The following CACNB4 variants were observed in gnomAD, a reference collection of about 807,000 sequenced individuals.
CACNB4 encodes voltage-dependent L-type calcium channel subunit beta-4.
Under a neutral mutation model 71.2 loss-of-function variants are expected in CACNB4, and 32 were observed. The observed-to-expected ratio is 0.45, with a 90% CI of 0.34 to 0.60. The LOEUF is 0.60. Ranked by LOEUF, CACNB4 falls within the 20% of genes least tolerant of loss-of-function variation. The pLI is 0.01. For synonymous variants in CACNB4, 231 were observed against 236.9 expected, an observed-to-expected ratio of 0.97 and a Z score of 0.23; for missense variants, 464 against 647.9, an observed-to-expected ratio of 0.72 and a Z score of 3.08.
intron 2 of CACNB4, among the ~76,000 whole-genome samples, chr2:151,945,632 CAG>C (rs2099865359): frequency 6.6e-6 from 1 of 152,074 alleles, no homozygotes; most frequent in South Asian, 2.1e-4. Context: ...GCCTAGGTGA[CAG>C]AGTGAAACCC....
chr2:151,874,059 T>C (rs2099845310), intron 5 of CACNB4: 1 of 152,358 alleles, frequency 6.6e-6, no homozygotes, highest in African/African-American at 2.4e-5. Context: ...GGCCTTCTGC[T>C]ACCAGTAAAA....
intron 2 of CACNB4, among the ~76,000 whole-genome samples, chr2:151,912,538 C>T (rs1482550919): frequency 4.6e-5 from 7 of 151,430 alleles, no homozygotes; most frequent in African/African-American, 1.7e-4. Context: ...GAGACTGTTT[C>T]TTATGATTTC....
At chr2:152,028,994 G>C (rs1684118520) in intron 2 of CACNB4, among the ~76,000 whole-genome samples, 1 of 152,198 alleles carries the variant, frequency 6.6e-6, no homozygotes, top group Non-Finnish European at 1.5e-5. Context: ...ATGGATTAAG[G>C]CCAAGAAGAT....
At chr2:151,907,892 A>G (rs571417515) in intron 2 of CACNB4, among the ~76,000 whole-genome samples, 1 of 152,330 alleles carries the variant, frequency 6.6e-6, no homozygotes, top group East Asian at 1.9e-4. Context: ...GTTTCTAAAG[A>G]AAAGAAACTG....
chr2:152,053,304 T>C (rs1292005405), intron 2 of CACNB4, among the ~76,000 whole-genome samples: 2 of 152,098 alleles, frequency 1.3e-5, no homozygotes, highest in South Asian at 2.1e-4. Flanking sequence ...TAGTCAATCA[T>C]ACCTACTTAA....
chr2:152,098,286 G>A lies in CACNB4; in HGVS notation c.147+44C>T, dbSNP rs201679653. The A allele has an allele frequency of 6.6e-7, 1 of 1,508,598 alleles. No individual in the cohort carries two copies. Among genetic ancestry groups the A allele is most frequent in the Non-Finnish European group, 9.2e-7 (1 of 1,085,180 alleles). 93.5% of individuals were successfully genotyped at this position (1,508,598 alleles called of 1,614,324 possible). ...CGGCTCCAGGACCCCCGCGCCGCGC[G>A]CTCGGCCTCCTCCCCATCCTGGTCT... On this transcript the variant is annotated intron_variant, in intron 2 of 13. Transcript: ENST00000539935. The surrounding 1 kb of genome is among the most constrained non-coding windows in gnomAD (Gnocchi z 5.3).
At chr2:152,082,479 C>T (rs143976944) in intron 2 of CACNB4, among the ~76,000 whole-genome samples, 1 of 152,250 alleles carries the variant, frequency 6.6e-6, no homozygotes, top group African/African-American at 2.4e-5. Context: ...GCTTGAGTCC[C>T]GCAGTCAGCC....
At chr2:151,971,927 C>T in intron 2 of CACNB4, 1 of 354,350 alleles carries the variant, frequency 2.8e-6, no homozygotes, top group Admixed American at 4.2e-5. Context: ...AGCCTGCTGG[C>T]CACCACTGAG....
rs1286571733 is a variant in CACNB4, at chr2:151,837,344, G to C, written c.*1775C>G. The C allele has an allele frequency of 6.6e-6, 1 of 151,966 alleles. No individual in the cohort carries two copies. Among genetic ancestry groups the C allele is most frequent in the Non-Finnish European group, 1.5e-5 (1 of 67,906 alleles). The allele number at this position is 151,966 out of a possible 1,614,324, so 9.4% of individuals were successfully genotyped here. On this transcript the variant is annotated 3_prime_UTR_variant, in exon 14 of 14. Coordinates refer to ENST00000539935, the MANE Select transcript of CACNB4 (RefSeq NM_000726.5). ...GGTACAAACACTGAACATAAATGCA[G>C]GGGGATGTGGTGAGGTTGTAATGGG...
intron 2 of CACNB4, among the ~76,000 whole-genome samples, chr2:151,959,289 T>A (rs888583143): frequency 1.3e-5 from 2 of 152,214 alleles, no homozygotes; most frequent in African/African-American, 2.4e-5. Flanking sequence ...GGCTTTGGGT[T>A]CACAGTATCT....
At chr2:151,980,894 T>C (rs2099874609) in intron 2 of CACNB4, among the ~76,000 whole-genome samples, 1 of 152,198 alleles carries the variant, frequency 6.6e-6, no homozygotes, top group East Asian at 1.9e-4. Context: ...GATGGAGTTT[T>C]TGGTTTTGGT....
intron 2 of CACNB4, among the ~76,000 whole-genome samples, chr2:151,899,947 C>A (rs958389217): frequency 6.6e-6 from 1 of 152,040 alleles, no homozygotes; most frequent in African/African-American, 2.4e-5. Context: ...CAAAAAGTAC[C>A]ATAAAAGTAC....
intron 2 of CACNB4, among the ~76,000 whole-genome samples, chr2:151,978,601 A>G (rs2099874192): frequency 6.6e-6 from 1 of 152,206 alleles, no homozygotes; most frequent in Non-Finnish European, 1.5e-5. Context: ...GTGCAAATTA[A>G]AAGCCTTGGT....
intron 5 of CACNB4, among the ~76,000 whole-genome samples, chr2:151,875,801 A>AG (rs1553756587): frequency 1.4e-5 from 1 of 71,304 alleles, no homozygotes; most frequent in African/African-American, 6.8e-5. Flanking sequence ...CAGGGGGCTG[A>AG]CCCCCCACCT....
rs561323076 is a variant in CACNB4 at position 151,982,372 on chromosome 2, A to G, written c.148-99002T>C. Reference sequence around the variant, plus strand: ...CTGCCAGCCGGGCACAGTGGCTCACACCTGTAATCCCAGCACTTTGGGAGG... The same window carrying G: ...CTGCCAGCCGGGCACAGTGGCTCACGCCTGTAATCCCAGCACTTTGGGAGG... On this transcript the variant is annotated intron_variant, in intron 2 of 13. Coordinates refer to ENST00000539935, the MANE Select transcript of CACNB4 (RefSeq NM_000726.5). 4.6e-3 allele frequency among the ~76,000 whole-genome samples: 707 copies of G among 152,092 alleles called. 5 individuals carry two copies. The highest frequency in any genetic ancestry group is 6.3e-3 in the Non-Finnish European group (425 of 67,962).
At chr2:151,958,729 G>A in intron 2 of CACNB4, among the ~76,000 whole-genome samples, 1 of 152,084 alleles carries the variant, frequency 6.6e-6, no homozygotes, top group East Asian at 1.9e-4. Flanking sequence ...TATTTCCACA[G>A]CTTTTTATTT....
intron 2 of CACNB4, among the ~76,000 whole-genome samples, chr2:151,932,458 CACATATCTGAT>C (rs1406577317): frequency 6.6e-6 from 1 of 152,064 alleles, no homozygotes; most frequent in Non-Finnish European, 1.5e-5. Context: ...TGCTAGAGAA[CACATATCTGAT>C]ATGAGTTGAA....
intron 2 of CACNB4, among the ~76,000 whole-genome samples, chr2:152,011,850 T>C (rs1255984975): frequency 2.0e-5 from 3 of 152,152 alleles, no homozygotes; most frequent in South Asian, 2.1e-4. Flanking sequence ...AAGACTGTAA[T>C]GGGGCTGAAG....
chr2:151,870,105 TA>T, intron 8 of CACNB4: 1 of 603,348 alleles, frequency 1.7e-6, no homozygotes, highest in South Asian at 2.1e-5. Flanking sequence ...GCCATCATCT[TA>T]AAAACCCAGC....
Sources: gnomAD v4.1 joint callset for allele counts (sites outside exome capture counted in the v4.1 genomes callset) on GRCh38, gnomAD v4.1.1 for gene constraint, Gnocchi (gnomAD v3.1) non-coding constraint, MANE v1.5 for transcripts, NCBI Gene and HGNC (gene_info 2026-07-23, HGNC 2026-07-21) for gene names.